The following PTPN13 variants were observed in gnomAD, a reference collection of about 807,000 sequenced individuals.
PTPN13 encodes the protein tyrosine-protein phosphatase non-receptor type 13.
Under a neutral mutation model 284.0 loss-of-function variants are expected in PTPN13, and 191 were observed. That is an observed-to-expected ratio of 0.67 (90% CI 0.60 to 0.76). The LOEUF (loss-of-function observed/expected upper bound fraction) is 0.76. Ranked by LOEUF, PTPN13 falls within the 30% of genes least tolerant of loss-of-function variation. The pLI is 0.00. For missense variants in PTPN13, 2,797 were observed against 2,939.9 expected (o/e 0.95, Z 1.12); for synonymous variants, 986 against 1,022.3 (o/e 0.96, Z 0.68).
At chr4:86,635,873 G>A (rs1722957201) in intron 2 of PTPN13, among the ~76,000 whole-genome samples, 2 of 152,138 alleles carry the variant, frequency 1.3e-5, no homozygotes, top group South Asian at 4.1e-4. Context: ...TGAGGCAGGA[G>A]AATCACTTGA....
At chr4:86,769,367 A>G (rs1739718911) in intron 28 of PTPN13, among the ~76,000 whole-genome samples, 1 of 151,804 alleles carries the variant, frequency 6.6e-6, no homozygotes. Context: ...ATCTCACTGT[A>G]TTGCCCAGGC....
intron 3 of PTPN13, among the ~76,000 whole-genome samples, chr4:86,678,394 C>CA (rs1480374241): frequency 2.0e-5 from 3 of 151,468 alleles, no homozygotes; most frequent in Non-Finnish European, 4.4e-5. Context: ...GCATGCATAC[C>CA]AAAAAAAATG....
At chr4:86,686,354 CA>C (rs927297721) in intron 3 of PTPN13, among the ~76,000 whole-genome samples, 62 of 128,754 alleles carry the variant, frequency 4.8e-4, no homozygotes, top group Non-Finnish European at 7.2e-4. Flanking sequence ...GACTCTGCCT[CA>C]AAAAAAAAAA....
chr4:86,780,506 C>A, intron 36 of PTPN13, 34 bp downstream of exon 36: 4 of 1,394,160 alleles, frequency 2.9e-6, no homozygotes, highest in Non-Finnish European at 4.0e-6. Context: ...TACTCTCCTA[C>A]GGTAATGGGA....
At chr4:86,728,940 T>C (rs943261786) in intron 10 of PTPN13, among the ~76,000 whole-genome samples, 1 of 148,662 alleles carries the variant, frequency 6.7e-6, no homozygotes, top group Non-Finnish European at 1.5e-5. Context: ...CTAGCATCGA[T>C]GGTCTTTACA....
chr4:86,678,663 TC>T (rs770077431), intron 3 of PTPN13, among the ~76,000 whole-genome samples: 1 of 152,206 alleles, frequency 6.6e-6, no homozygotes, highest in Non-Finnish European at 1.5e-5. Context: ...CCATTGTGTT[TC>T]CTGTAAATGA....
chr4:86,758,234 A>G (rs1345624585), intron 20 of PTPN13, 26 bp from the exon 21 acceptor site: 1 of 1,500,766 alleles, frequency 6.7e-7, no homozygotes, highest in Non-Finnish European at 9.1e-7. Flanking sequence ...TGTTATATTT[A>G]TTTTTAAATT....
intron 1 of PTPN13, among the ~76,000 whole-genome samples, chr4:86,597,278 C>T (rs112125519): frequency 6.6e-6 from 1 of 151,890 alleles, no homozygotes; most frequent in African/African-American, 2.4e-5. Flanking sequence ...GTCTCTGTTG[C>T]CCAGTTTGGA....
At chr4:86,736,534 G>A (rs142093148) in intron 15 of PTPN13, among the ~76,000 whole-genome samples, 36 of 152,158 alleles carry the variant, frequency 2.4e-4, no homozygotes, top group African/African-American at 8.2e-4. Flanking sequence ...CTTTAATCTA[G>A]TGTTCATGGA....
At chr4:86,607,885 A>T (rs1042045170) in intron 1 of PTPN13, among the ~76,000 whole-genome samples, 1 of 152,054 alleles carries the variant, frequency 6.6e-6, no homozygotes, top group Admixed American at 6.6e-5. Flanking sequence ...CTGTTGAGTA[A>T]AGTAAAGATA....
Position 86,754,997 on chromosome 4 carries a change from C to G in PTPN13, c.3223+1932C>G, listed in dbSNP as rs192142139. Among the ~76,000 whole-genome samples the G allele has an allele frequency of 1.5e-3, 221 of 152,128 alleles. 1 individual carries two copies. Among genetic ancestry groups the G allele is most frequent in the African/African-American group, 5.0e-3 (206 of 41,536 alleles). On this transcript the variant is annotated intron_variant, in intron 20 of 47. Transcript: ENST00000411767. Reference sequence around the variant, plus strand: ...AGAATCAAGTTTTCACATAATACAGCATGGCAAACATGTTTTTGCAAATAG... The same window carrying G: ...AGAATCAAGTTTTCACATAATACAGGATGGCAAACATGTTTTTGCAAATAG...
intron 35 of PTPN13, among the ~76,000 whole-genome samples, chr4:86,779,009 G>A (rs1428780425): frequency 6.7e-6 from 1 of 148,562 alleles, no homozygotes; most frequent in Non-Finnish European, 1.5e-5. Context: ...ATTGTCTTCC[G>A]CTAGCCAAGA....
chr4:86,689,085 G>A lies in PTPN13; in HGVS notation c.441G>A (p.Arg147=), dbSNP rs1370345574. The A allele has an allele frequency of 1.9e-6, 3 of 1,602,262 alleles. No homozygotes were observed. The highest frequency in any genetic ancestry group is 2.7e-5 in the African/African-American group (2 of 74,620). ...EDVIYARVSV[R]TVLDACSAHI... Reference sequence around the variant, plus strand: ...TTATTTACGCTCGAGTTTCTGTTCGGACTGTGCTGGATGCTTGCAGTGCCC... The same window carrying A: ...TTATTTACGCTCGAGTTTCTGTTCGAACTGTGCTGGATGCTTGCAGTGCCC... Residue 147 remains arginine, a synonymous_variant, in exon 5 of 48, where the codon CGG becomes CGA. Transcript: ENST00000411767.
In PTPN13 at chr4:86,765,498, T is replaced by G. The variant is rs1368240948; in HGVS notation, c.4243+10T>G. On this transcript the variant is annotated intron_variant, in intron 26 of 47. Transcript: ENST00000411767. ...GGTAGAATTCACAAAGGTATAGTGTTTATATTATGTGGGAATTATATGTAT... is the reference window on the plus strand; with the variant it reads ...GGTAGAATTCACAAAGGTATAGTGTGTATATTATGTGGGAATTATATGTAT... The G allele has an allele frequency of 9.7e-6, 15 of 1,540,676 alleles. No individual in the cohort carries two copies. In the Admixed American group the frequency reaches 2.3e-4, roughly 23 times the overall value.
Position 86,785,222 on chromosome 4 carries a change from T to C in PTPN13, c.6119-9T>C. Reference sequence around the variant, plus strand: ...AAGTAAAACCCCATGTAAATTATTATTTTTCAAGAATCTTATATACAAGAA... The same window carrying C: ...AAGTAAAACCCCATGTAAATTATTACTTTTCAAGAATCTTATATACAAGAA... On this transcript the variant is annotated splice_polypyrimidine_tract_variant and intron_variant, in intron 38 of 47. Coordinates refer to ENST00000411767, the MANE Select transcript of PTPN13 (RefSeq NM_080683.3). 2 of 1,500,066 alleles carry C rather than the reference T, an allele frequency of 1.3e-6. No homozygotes were observed. The highest frequency in any genetic ancestry group is 1.8e-6 in the Non-Finnish European group (2 of 1,100,868). 92.9% of individuals were successfully genotyped at this position (1,500,066 alleles called of 1,614,324 possible).
chr4:86,722,132 C>T, intron 9 of PTPN13, 80 bp from the exon 10 acceptor site: 1 of 1,206,244 alleles, frequency 8.3e-7, no homozygotes. Context: ...TGCAACCTTA[C>T]TTAAAATGAA....
At chr4:86,800,894 T>C (rs1743957706) in intron 42 of PTPN13, among the ~76,000 whole-genome samples, 1 of 152,212 alleles carries the variant, frequency 6.6e-6, no homozygotes, top group Non-Finnish European at 1.5e-5. Flanking sequence ...TTATTTCATA[T>C]GAGTAAATTT....
chr4:86,705,333 C>CAAAAAAAAAAAAAAATAAAAAAAAAAA (rs759784072), intron 7 of PTPN13, among the ~76,000 whole-genome samples: 1 of 95,386 alleles, frequency 1.0e-5, no homozygotes, highest in Non-Finnish European at 2.2e-5. Flanking sequence ...GACTCCGTCT[C>CAAAAAAAAAAAAAAATAAAAAAAAAAA]AAAAAAAAAA....
At chr4:86,703,042 G>A (rs1375898989) in intron 7 of PTPN13, among the ~76,000 whole-genome samples, 1 of 152,026 alleles carries the variant, frequency 6.6e-6, no homozygotes, top group African/African-American at 2.4e-5. Context: ...TGTACTTTGA[G>A]TAAAAGAAGC....
Sources: allele counts gnomAD v4.1 joint callset (sites outside exome capture counted in the v4.1 genomes callset), GRCh38; gene constraint gnomAD v4.1.1; transcripts MANE v1.5; gene names NCBI Gene and HGNC (gene_info 2026-07-23, HGNC 2026-07-21).